The following DLGAP2 variants were observed in gnomAD, a reference collection of about 807,000 sequenced individuals.
DLGAP2 encodes DLG associated protein 2, also known as disks large-associated protein 2.
A neutral mutation model predicts 100.3 loss-of-function variants in DLGAP2; 26 were observed. That is an observed-to-expected ratio of 0.26 (90% CI 0.19 to 0.36). The LOEUF (loss-of-function observed/expected upper bound fraction) is 0.36. DLGAP2 is among the 10% of genes least tolerant of loss of function. The pLI is 1.00. For missense variants in DLGAP2, 1,858 were observed against 1,453.2 expected, an observed-to-expected ratio of 1.28 and a Z score of -4.53; for synonymous variants, 886 against 630.1, an observed-to-expected ratio of 1.41 and a Z score of -6.08.
chr8:1,342,113 G>A (rs1439991755), intron 3 of DLGAP2, among the ~76,000 whole-genome samples: 1 of 151,890 alleles, frequency 6.6e-6, no homozygotes, highest in Non-Finnish European at 1.5e-5. Flanking sequence ...CCTACCCCCA[G>A]CTGATTTTTC....
chr8:1,442,323 A>C (rs1424022365), intron 3 of DLGAP2, among the ~76,000 whole-genome samples: 2 of 149,194 alleles, frequency 1.3e-5, no homozygotes, highest in African/African-American at 5.0e-5. Context: ...TGATGGGTTC[A>C]GCCACTGGGG....
intron 12 of DLGAP2, among the ~76,000 whole-genome samples, chr8:1,685,271 C>G (rs1023030344): frequency 2.0e-5 from 3 of 152,216 alleles, no homozygotes; most frequent in African/African-American, 7.2e-5. Context: ...GACATGGCCA[C>G]AGAGAACTGT....
intron 4 of DLGAP2, among the ~76,000 whole-genome samples, chr8:1,523,607 G>A (rs1325000835): frequency 1.3e-5 from 2 of 152,210 alleles, no homozygotes; most frequent in African/African-American, 4.8e-5. Context: ...CCACATCTGG[G>A]GGCCTCTGGA....
intron 2 of DLGAP2, among the ~76,000 whole-genome samples, chr8:1,063,763 A>G (rs919147614): frequency 6.6e-6 from 1 of 152,118 alleles, no homozygotes; most frequent in African/African-American, 2.4e-5. Context: ...TGGTTTGTGC[A>G]TATTTAGGTG....
At chr8:1,616,897 C>G (rs1797172506) in intron 6 of DLGAP2, among the ~76,000 whole-genome samples, 2 of 152,102 alleles carry the variant, frequency 1.3e-5, no homozygotes, top group South Asian at 2.1e-4. Flanking sequence ...CTTCTAACCT[C>G]CAGGAGGCCC....
At chr8:937,151 C>T (rs560275374) in intron 2 of DLGAP2, among the ~76,000 whole-genome samples, 6 of 152,194 alleles carry the variant, frequency 3.9e-5, no homozygotes, top group South Asian at 2.1e-4. Flanking sequence ...AAGTCTCCCT[C>T]GCTCGCCTGA....
intron 4 of DLGAP2, among the ~76,000 whole-genome samples, chr8:1,505,321 T>C (rs1799868739): frequency 6.6e-6 from 1 of 152,228 alleles, no homozygotes; most frequent in Non-Finnish European, 1.5e-5. Flanking sequence ...TACAGCACAG[T>C]ATAGGTTAAA....
chr8:1,541,210 T>A (rs1484133685), intron 4 of DLGAP2, among the ~76,000 whole-genome samples: 1 of 152,246 alleles, frequency 6.6e-6, no homozygotes, highest in African/African-American at 2.4e-5. Context: ...ACTTCCTCTT[T>A]GTGTTTAATC....
chr8:787,980 G>GTTCTGTGGCTCAGGATT (rs1554563248), intron 1 of DLGAP2, among the ~76,000 whole-genome samples: 3 of 152,040 alleles, frequency 2.0e-5, no homozygotes, highest in Non-Finnish European at 4.4e-5. Context: ...AAGCCAGGAT[G>GTTCTGTGGCTCAGGATT]CTCTGTGGCT....
At chr8:817,624 C>A (rs1386270095) in intron 1 of DLGAP2, among the ~76,000 whole-genome samples, 1 of 152,196 alleles carries the variant, frequency 6.6e-6, no homozygotes, top group Non-Finnish European at 1.5e-5. Context: ...GATTCAAGCG[C>A]TGCTGTTCAG....
intron 8 of DLGAP2, among the ~76,000 whole-genome samples, chr8:1,636,043 A>T (rs1353194977): frequency 6.6e-6 from 1 of 152,240 alleles, no homozygotes; most frequent in Non-Finnish European, 1.5e-5. Flanking sequence ...CTCATTATGA[A>T]AAACACTGCA....
chr8:1,316,767 T>A (rs1800762738), intron 3 of DLGAP2, among the ~76,000 whole-genome samples: 1 of 138,570 alleles, frequency 7.2e-6, no homozygotes, highest in Non-Finnish European at 1.5e-5. Context: ...CGTGTGCGAG[T>A]ACAGCGTCTC....
At chr8:862,429 A>G (rs1797410789) in intron 1 of DLGAP2, among the ~76,000 whole-genome samples, 1 of 151,728 alleles carries the variant, frequency 6.6e-6, no homozygotes, top group African/African-American at 2.4e-5. Context: ...CAGCCTCCCG[A>G]GTAGCTGAGA....
chr8:1,189,625 G>T (rs777913553), intron 2 of DLGAP2, among the ~76,000 whole-genome samples: 1 of 152,228 alleles, frequency 6.6e-6, no homozygotes, highest in African/African-American at 2.4e-5. Flanking sequence ...ACGTTTAGCA[G>T]TTGACGTGTG....
chr8:1,153,936 T>G (rs1340009981), intron 2 of DLGAP2, among the ~76,000 whole-genome samples: 1 of 152,044 alleles, frequency 6.6e-6, no homozygotes, highest in Admixed American at 6.6e-5. Context: ...TCTCCTCCCC[T>G]TTCCTAGGGG....
chr8:1,585,598 C>A (rs970162601), intron 6 of DLGAP2, among the ~76,000 whole-genome samples: 1 of 152,210 alleles, frequency 6.6e-6, no homozygotes, highest in Non-Finnish European at 1.5e-5. Context: ...TTTAACCCAA[C>A]TGTGCCATTG....
chr8:1,450,672 C>A (rs1798133692), intron 3 of DLGAP2, among the ~76,000 whole-genome samples: 1 of 152,036 alleles, frequency 6.6e-6, no homozygotes, highest in African/African-American at 2.4e-5. Flanking sequence ...TTATGTGACA[C>A]TGTGGTTCTA....
chr8:1,252,692 C>T (rs537627332), intron 2 of DLGAP2, among the ~76,000 whole-genome samples: 133 of 152,324 alleles, frequency 8.7e-4, no homozygotes, highest in African/African-American at 3.0e-3. Flanking sequence ...GCGAGGCCGC[C>T]GGGTGTCATG....
intron 4 of DLGAP2, among the ~76,000 whole-genome samples, chr8:1,526,839 C>T (rs879781601): frequency 6.6e-6 from 1 of 152,170 alleles, no homozygotes; most frequent in Admixed American, 6.5e-5. Flanking sequence ...ACCTCTCAGG[C>T]CCAGGGTTCT....
Sources: gnomAD v4.1 joint callset for allele counts (sites outside exome capture counted in the v4.1 genomes callset) on GRCh38, gnomAD v4.1.1 for gene constraint, MANE v1.5 for transcripts, NCBI Gene and HGNC (gene_info 2026-07-23, HGNC 2026-07-21) for gene names.